The following FGF12 variants were observed in gnomAD, a reference collection of about 807,000 sequenced individuals.
The protein encoded by FGF12 is fibroblast growth factor 12B.
In FGF12, 14 loss-of-function variants were observed where a neutral mutation model predicts 23.6. The observed-to-expected ratio is 0.59, with a 90% confidence interval of 0.39 to 0.93. The LOEUF (loss-of-function observed/expected upper bound fraction) is 0.93, where lower values mean the gene tolerates loss of function less well. Ranked by LOEUF, FGF12 falls within the 40% of genes least tolerant of loss-of-function variation. The probability of loss-of-function intolerance (pLI) is 0.00; values close to 1 mark genes in which losing one functional copy is unlikely to be tolerated. For missense variants in FGF12, 175 were observed against 217.8 expected (o/e 0.80, Z 1.24); for synonymous variants, 62 against 77.3 (o/e 0.80, Z 1.04).
chr3:192,168,372 C>T (rs1715346361), intron 5 of FGF12, among the ~76,000 whole-genome samples: 2 of 152,146 alleles, frequency 1.3e-5, no homozygotes, highest in Non-Finnish European at 1.5e-5. Context: ...AGGCACTTTC[C>T]TGCCTTTATT....
intron 4 of FGF12, among the ~76,000 whole-genome samples, chr3:192,325,877 C>A (rs1373147512): frequency 1.3e-5 from 2 of 152,124 alleles, no homozygotes; most frequent in Non-Finnish European, 2.9e-5. Context: ...AGCATGAACA[C>A]TAAGATTCCT....
chr3:192,201,035 G>A (rs967584459), intron 4 of FGF12, among the ~76,000 whole-genome samples: 2 of 152,144 alleles, frequency 1.3e-5, no homozygotes, highest in Non-Finnish European at 2.9e-5. Context: ...AGCTTCAGAT[G>A]TCTCCAGATA....
intron 2 of FGF12, among the ~76,000 whole-genome samples, chr3:192,421,200 AC>A (rs1326381243): frequency 6.6e-6 from 1 of 152,142 alleles, no homozygotes; most frequent in East Asian, 1.9e-4. Flanking sequence ...AAGTTGTGTG[AC>A]CATAGAAAGG....
At chr3:192,194,567 T>C (rs1183706496) in intron 4 of FGF12, among the ~76,000 whole-genome samples, 1 of 152,232 alleles carries the variant, frequency 6.6e-6, no homozygotes, top group Non-Finnish European at 1.5e-5. Context: ...ATTTAGATGT[T>C]TGACAACCTA....
At chr3:192,469,645 G>T (rs1208894336) in intron 2 of FGF12, among the ~76,000 whole-genome samples, 1 of 152,180 alleles carries the variant, frequency 6.6e-6, no homozygotes, top group Non-Finnish European at 1.5e-5. Flanking sequence ...ATGACCCAGA[G>T]AATCTGTTCT....
intron 4 of FGF12, among the ~76,000 whole-genome samples, chr3:192,221,691 T>A (rs1431982760): frequency 6.6e-6 from 1 of 152,162 alleles, no homozygotes; most frequent in Non-Finnish European, 1.5e-5. Context: ...GAAAGAAATA[T>A]AGTTCAAGTC....
rs1422119834 is a variant in FGF12 at position 192,272,446 on chromosome 3, G to A, written c.228+62915C>T. ...AAAACATTTTTAAATAAAATAAAAC[G>A]TAACCAGTGAAATATGGCTGCATGA... On this transcript the variant is annotated intron_variant, in intron 4 of 5. Coordinates refer to ENST00000445105, the MANE Select transcript of FGF12 (RefSeq NM_004113.6). Among the ~76,000 whole-genome samples, 7 of 152,016 alleles carry A rather than the reference G, an allele frequency of 4.6e-5. No homozygotes were observed. In the South Asian group the frequency reaches 1.2e-3, roughly 27 times the overall value.
chr3:192,224,553 A>C (rs1169000863), intron 4 of FGF12, among the ~76,000 whole-genome samples: 1 of 152,084 alleles, frequency 6.6e-6, no homozygotes, highest in Non-Finnish European at 1.5e-5. Context: ...ATATCAGTTC[A>C]TAGCTACTTT....
chr3:192,550,609 A>G lies in FGF12; in HGVS notation c.13+176572T>C, dbSNP rs192188840. 2.3e-4 allele frequency among the ~76,000 whole-genome samples: 35 copies of G among 152,126 alleles called. 1 individual carries two copies. The East Asian group carries it at 3.9e-3, about 17-fold the overall frequency. On this transcript the variant is annotated intron_variant, in intron 2 of 5. Coordinates refer to ENST00000445105, the MANE Select transcript of FGF12 (RefSeq NM_004113.6). ...AAAAAGGAAGAGGGCCGTTTCAGAC[A>G]AAGAGAAAATTACATAGGTAGGGTA...
intron 2 of FGF12, among the ~76,000 whole-genome samples, chr3:192,447,956 A>G (rs61042173): frequency 0.057 from 8,614 of 152,240 alleles, 816 homozygotes; most frequent in African/African-American, 0.19. Context: ...TCGTTTCGCC[A>G]GTTTCTGAAC....
At chr3:192,521,769 A>G (rs1217145513) in intron 2 of FGF12, among the ~76,000 whole-genome samples, 3 of 152,164 alleles carry the variant, frequency 2.0e-5, no homozygotes, top group Non-Finnish European at 2.9e-5. Context: ...CAATTCCTCT[A>G]TTATAGGATT....
intron 4 of FGF12, among the ~76,000 whole-genome samples, chr3:192,274,212 T>C (rs1713633745): frequency 6.6e-6 from 1 of 152,190 alleles, no homozygotes; most frequent in African/African-American, 2.4e-5. Flanking sequence ...TATTACATTA[T>C]TACCTATCAA....
At chr3:192,698,054 C>T (rs1269649468) in intron 2 of FGF12, among the ~76,000 whole-genome samples, 3 of 151,970 alleles carry the variant, frequency 2.0e-5, no homozygotes, top group Non-Finnish European at 4.4e-5. Flanking sequence ...TTGATAGTCT[C>T]TCTCCCATCA....
intron 4 of FGF12, among the ~76,000 whole-genome samples, chr3:192,313,629 A>T (rs964265259): frequency 6.6e-6 from 1 of 152,220 alleles, no homozygotes; most frequent in Non-Finnish European, 1.5e-5. Flanking sequence ...ATTAGAGGTA[A>T]TCTCTCTTCC....
chr3:192,598,952 A>G (rs550371737), intron 2 of FGF12, among the ~76,000 whole-genome samples: 54 of 152,218 alleles, frequency 3.5e-4, no homozygotes, highest in African/African-American at 1.2e-3. Flanking sequence ...ATGAGTTTAT[A>G]TCCTTTGCAG....
intron 2 of FGF12, among the ~76,000 whole-genome samples, chr3:192,398,048 C>T (rs1412317522): frequency 6.6e-6 from 1 of 152,124 alleles, no homozygotes; most frequent in Non-Finnish European, 1.5e-5. Context: ...TTTCACTCTT[C>T]CCTTCAAACC....
chr3:192,538,640 A>G (rs1158766889), intron 2 of FGF12, among the ~76,000 whole-genome samples: 2 of 152,178 alleles, frequency 1.3e-5, no homozygotes, highest in African/African-American at 4.8e-5. Context: ...TTCTATATAA[A>G]TTTTCAAAAT....
intron 2 of FGF12, among the ~76,000 whole-genome samples, chr3:192,386,140 C>T (rs1466709867): frequency 1.3e-5 from 2 of 152,164 alleles, no homozygotes; most frequent in East Asian, 3.9e-4. Flanking sequence ...ACATTGTCTC[C>T]AACATGAACA....
At chr3:192,540,642 C>T (rs1725342117) in intron 2 of FGF12, among the ~76,000 whole-genome samples, 1 of 152,062 alleles carries the variant, frequency 6.6e-6, no homozygotes, top group South Asian at 2.1e-4. Context: ...TGTAAATATA[C>T]ATTAGGTTCA....
Sources: allele counts gnomAD v4.1 joint callset (sites outside exome capture counted in the v4.1 genomes callset), GRCh38; gene constraint gnomAD v4.1.1; transcripts MANE v1.5; gene names NCBI Gene and HGNC (gene_info 2026-07-23, HGNC 2026-07-21).